GRM7: variants seen among roughly 807,000 people sequenced by gnomAD.
GRM7 encodes the protein glutamate metabotropic receptor 7, also known as metabotropic glutamate receptor 7.
GRM7 carries 35 observed loss-of-function variants against 84.5 expected under a neutral mutation model. That is an observed-to-expected ratio of 0.41 (90% CI 0.32 to 0.55). The LOEUF (loss-of-function observed/expected upper bound fraction) is 0.55, where lower values mean the gene tolerates loss of function less well. GRM7 is among the 20% of genes least tolerant of loss of function. The pLI, the probability that GRM7 is intolerant of heterozygous loss-of-function variation, is 0.19. For synonymous variants in GRM7, 487 were observed against 455.1 expected (o/e 1.07, Z -0.89); for missense variants, 1,003 against 1,194.6 (o/e 0.84, Z 2.36).
chr3:7,199,100 G>T (rs774400820), intron 2 of GRM7, among the ~76,000 whole-genome samples: 1 of 152,104 alleles, frequency 6.6e-6, no homozygotes, highest in Non-Finnish European at 1.5e-5. Flanking sequence ...CCATTGATCC[G>T]CTCCTTAAAT....
intron 9 of GRM7, among the ~76,000 whole-genome samples, chr3:7,710,482 A>G (rs144321640): frequency 7.6e-6 from 1 of 131,222 alleles, no homozygotes; most frequent in East Asian, 2.3e-4. Context: ...ACATTCCTGG[A>G]ACCTTGCCAG....
chr3:7,256,508 T>G (rs183716309), intron 2 of GRM7, among the ~76,000 whole-genome samples: 3 of 152,198 alleles, frequency 2.0e-5, no homozygotes, highest in Non-Finnish European at 4.4e-5. Flanking sequence ...TGTGGCTTTC[T>G]GTTATGCTCC....
chr3:7,626,863 T>C (rs2125092898), intron 8 of GRM7, among the ~76,000 whole-genome samples: 1 of 151,554 alleles, frequency 6.6e-6, no homozygotes. Context: ...TTTTGTCATG[T>C]CAAGACCGAA....
At chr3:6,957,474 G>A (rs958187380) in intron 1 of GRM7, among the ~76,000 whole-genome samples, 8 of 152,218 alleles carry the variant, frequency 5.3e-5, no homozygotes, top group African/African-American at 1.9e-4. Context: ...ACACAAAAAT[G>A]TAAGCCTTGT....
chr3:7,680,464 C>A, intron 9 of GRM7, 169 bp downstream of exon 9: 1 of 645,208 alleles, frequency 1.5e-6, no homozygotes, highest in Non-Finnish European at 2.7e-6. Flanking sequence ...TCATTCCTGC[C>A]ACCATTTTCT....
At chr3:7,261,375 G>A (rs1434449720) in intron 2 of GRM7, among the ~76,000 whole-genome samples, 1 of 152,144 alleles carries the variant, frequency 6.6e-6, no homozygotes, top group Non-Finnish European at 1.5e-5. Context: ...CAAGAGAGTG[G>A]TTTGTTTAAA....
chr3:7,208,543 C>A (rs144734270), intron 2 of GRM7, among the ~76,000 whole-genome samples: 2 of 152,036 alleles, frequency 1.3e-5, no homozygotes, highest in African/African-American at 2.4e-5. Context: ...GGTTGAGATA[C>A]AAAAGCAAGC....
intron 2 of GRM7, among the ~76,000 whole-genome samples, chr3:7,296,821 TAA>T (rs61060115): frequency 2.1e-5 from 3 of 144,238 alleles, no homozygotes; most frequent in Admixed American, 7.0e-5. Flanking sequence ...ACAGCTTTTT[TAA>T]AAAAAAAAAA....
chr3:7,018,597 G>A (rs2124907596), intron 1 of GRM7, among the ~76,000 whole-genome samples: 1 of 152,358 alleles, frequency 6.6e-6, no homozygotes, highest in East Asian at 1.9e-4. Context: ...CTGAGCGTAG[G>A]AAGTGAGTGG....
At chr3:7,719,479 A>AG (rs1701868967) in intron 9 of GRM7, among the ~76,000 whole-genome samples, 2 of 152,140 alleles carry the variant, frequency 1.3e-5, no homozygotes, top group Admixed American at 1.3e-4. Context: ...GGAATAGCAA[A>AG]GGCTGGCAAT....
rs970385006 is a variant in GRM7 at position 7,188,571 on chromosome 3, G to A, written c.736+41903G>A. ...AAAAAATGTTGCCTGATCCCTGCAG[G>A]TGAAAGATGTAAGGAATAATGAGAA... On this transcript the variant is annotated intron_variant, in intron 2 of 9. Coordinates refer to ENST00000357716, the MANE Select transcript of GRM7 (RefSeq NM_000844.4). This position sits in a 1 kb window ranked among gnomAD's most constrained non-coding sequence, Gnocchi z 4.2. Among the ~76,000 whole-genome samples, 1 of 152,112 alleles carries A rather than the reference G, an allele frequency of 6.6e-6. No homozygotes were observed. Among genetic ancestry groups the A allele is most frequent in the Non-Finnish European group, 1.5e-5 (1 of 68,022 alleles).
intron 2 of GRM7, among the ~76,000 whole-genome samples, chr3:7,268,797 C>G (rs1036802166): frequency 1.5e-4 from 23 of 152,282 alleles, no homozygotes; most frequent in Middle Eastern, 3.4e-3. Context: ...CTCCTCATTT[C>G]TTGGAAGATC....
chr3:7,027,640 C>CA (rs1237427643), intron 1 of GRM7, among the ~76,000 whole-genome samples: 1 of 152,044 alleles, frequency 6.6e-6, no homozygotes, highest in Non-Finnish European at 1.5e-5. Flanking sequence ...ACAAGAAAGG[C>CA]AAAAAACCTT....
intron 1 of GRM7, among the ~76,000 whole-genome samples, chr3:7,128,539 G>A (rs1203764146): frequency 9.2e-6 from 1 of 108,442 alleles, no homozygotes; most frequent in Non-Finnish European, 1.8e-5. Context: ...ATGGAGTCTT[G>A]CTGTGTCACC....
chr3:7,287,205 C>A (rs1330294320), intron 2 of GRM7, among the ~76,000 whole-genome samples: 3 of 152,112 alleles, frequency 2.0e-5, no homozygotes, highest in African/African-American at 7.2e-5. Flanking sequence ...GCAGAAAAAT[C>A]TTTCAAACTC....
intron 2 of GRM7, among the ~76,000 whole-genome samples, chr3:7,167,057 A>T (rs1355935573): frequency 6.6e-6 from 1 of 152,240 alleles, no homozygotes; most frequent in East Asian, 1.9e-4. Flanking sequence ...AATAACGTAG[A>T]CAACATGGCT....
intron 2 of GRM7, among the ~76,000 whole-genome samples, chr3:7,240,958 G>A (rs1438929485): frequency 6.6e-6 from 1 of 152,116 alleles, no homozygotes; most frequent in Non-Finnish European, 1.5e-5. Context: ...TAGCCTAGGA[G>A]CAATAGGCTA....
chr3:7,469,126 A>G (rs965541953), intron 7 of GRM7, among the ~76,000 whole-genome samples: 1 of 152,228 alleles, frequency 6.6e-6, no homozygotes, highest in Admixed American at 6.5e-5. Context: ...GTTAAACTAT[A>G]CACATTACTT....
rs1574938158 is a variant in GRM7 at position 6,862,789 on chromosome 3, A to G, written c.519+882A>G. On this transcript the variant is annotated intron_variant, in intron 1 of 9. Coordinates refer to ENST00000357716, the MANE Select transcript of GRM7 (RefSeq NM_000844.4). This position sits in a 1 kb window ranked among gnomAD's most constrained non-coding sequence, Gnocchi z 5.2. ...CCAAGCCAAATCCTCGGCTTGGAGG[A>G]CGATTCCCGGAGCGAGGCATGAAGG... 2 of 311,486 alleles carry G rather than the reference A, an allele frequency of 6.4e-6. No individual in the cohort carries two copies. The highest frequency in any genetic ancestry group is 4.6e-5 in the South Asian group (2 of 43,166). The allele number at this position is 311,486 out of a possible 1,614,324, so 19.3% of individuals were successfully genotyped here.
Sources: allele counts gnomAD v4.1 joint callset (sites outside exome capture counted in the v4.1 genomes callset), GRCh38; gene constraint gnomAD v4.1.1; non-coding constraint Gnocchi (gnomAD v3.1); transcripts MANE v1.5; gene names NCBI Gene and HGNC (gene_info 2026-07-23, HGNC 2026-07-21).